NEK11: variants seen among roughly 807,000 people sequenced by gnomAD.
NEK11 encodes NIMA related kinase 11, also known as serine/threonine-protein kinase Nek11.
In NEK11, 72 loss-of-function variants were observed where a neutral mutation model predicts 80.7. The ratio of observed to expected loss-of-function variants is 0.89; its 90% CI spans 0.74 to 1.08. The LOEUF is 1.08. Among genes scored for constraint, NEK11 ranks in the 50% least tolerant of loss-of-function variants. NEK11 has a pLI of 0.00. For missense variants in NEK11, 764 were observed against 763.6 expected, an observed-to-expected ratio of 1.00 and a Z score of -0.01; for synonymous variants, 251 against 260.7, an observed-to-expected ratio of 0.96 and a Z score of 0.36.
rs182679880 is a variant in NEK11 at position 131,042,137 on chromosome 3, C to T, written c.170+12259C>T. 2.7e-4 allele frequency among the ~76,000 whole-genome samples: 41 copies of T among 152,316 alleles called. No homozygotes were observed. In the East Asian group the frequency reaches 6.2e-3, roughly 23 times the overall value. The stretch of plus-strand genomic sequence containing the variant: ...TTCCATCAGGGGCCTACACCACAAG[C>T]GCCCTGGGTTTCAAGCACAAAACTG... On this transcript the variant is annotated intron_variant, in intron 3 of 17. Transcript: ENST00000383366.
At chr3:131,318,181 G>A (rs1292287564) in intron 17 of NEK11, among the ~76,000 whole-genome samples, 1 of 152,198 alleles carries the variant, frequency 6.6e-6, no homozygotes, top group Admixed American at 6.5e-5. Context: ...GGTGGGAAGG[G>A]AGATAGGGAA....
chr3:131,031,676 G>T (rs2064870020), intron 3 of NEK11, among the ~76,000 whole-genome samples: 1 of 152,074 alleles, frequency 6.6e-6, no homozygotes. Context: ...AAGAAAGGGG[G>T]CTGGGGCTGG....
At chr3:131,116,367 G>T (rs914319100) in intron 5 of NEK11, among the ~76,000 whole-genome samples, 12 of 152,088 alleles carry the variant, frequency 7.9e-5, no homozygotes, top group African/African-American at 2.9e-4. Flanking sequence ...TCTTAATCCA[G>T]TCTATCACTG....
At chr3:131,337,760 C>T (rs2097211548) in intron 17 of NEK11, among the ~76,000 whole-genome samples, 1 of 152,038 alleles carries the variant, frequency 6.6e-6, no homozygotes, top group Admixed American at 6.6e-5. Flanking sequence ...GCACAGCTAG[C>T]TAGGAGCAAA....
At chr3:131,191,651 T>C (rs2093801117) in intron 14 of NEK11, among the ~76,000 whole-genome samples, 1 of 152,136 alleles carries the variant, frequency 6.6e-6, no homozygotes, top group Non-Finnish European at 1.5e-5. Flanking sequence ...TGAACATTGT[T>C]TGGGGGTTAT....
chr3:131,142,249 G>A (rs2087085699), intron 7 of NEK11, among the ~76,000 whole-genome samples: 1 of 152,190 alleles, frequency 6.6e-6, no homozygotes, highest in Admixed American at 6.5e-5. Context: ...TTCCCCCTGT[G>A]GGGGAAGGGA....
chr3:131,245,946 T>C (rs2095595992), intron 16 of NEK11, among the ~76,000 whole-genome samples: 1 of 152,116 alleles, frequency 6.6e-6, no homozygotes, highest in South Asian at 2.1e-4. Context: ...GTTTATGCTG[T>C]TGATTTGTTT....
intron 15 of NEK11, among the ~76,000 whole-genome samples, chr3:131,234,028 A>G (rs1442715069): frequency 1.3e-5 from 2 of 152,200 alleles, no homozygotes; most frequent in Non-Finnish European, 2.9e-5. Flanking sequence ...AACAATTAGA[A>G]TTGCTTCTCC....
chr3:131,075,604 A>G (rs965677857), intron 3 of NEK11, among the ~76,000 whole-genome samples: 2 of 152,330 alleles, frequency 1.3e-5, no homozygotes, highest in East Asian at 3.9e-4. Context: ...GTTTTCCACC[A>G]TCAATTTCTA....
At chr3:131,234,816 T>A (rs1252529969) in intron 15 of NEK11, among the ~76,000 whole-genome samples, 1 of 152,004 alleles carries the variant, frequency 6.6e-6, no homozygotes, top group Non-Finnish European at 1.5e-5. Flanking sequence ...AACAATTTGA[T>A]ATACTATTCT....
chr3:131,253,736 A>T (rs2095753134), intron 16 of NEK11, among the ~76,000 whole-genome samples: 1 of 152,210 alleles, frequency 6.6e-6, no homozygotes, highest in African/African-American at 2.4e-5. Context: ...GTACTGGGGT[A>T]TAACCCCAGT....
Position 131,350,043 on chromosome 3 carries a change from G to A in NEK11, c.*267G>A, listed in dbSNP as rs1415550776. 2.6e-6 allele frequency: 1 copy of A among 389,704 alleles called. No homozygotes were observed. The highest frequency in any genetic ancestry group is 4.7e-6 in the Non-Finnish European group (1 of 212,316). The allele number at this position is 389,704 out of a possible 1,614,324, so 24.1% of individuals were successfully genotyped here. On this transcript the variant is annotated 3_prime_UTR_variant, in exon 18 of 18. Coordinates refer to ENST00000383366, the MANE Select transcript of NEK11 (RefSeq NM_024800.5). The stretch of plus-strand genomic sequence containing the variant: ...CTTGAAAAGCATTTCTCTCATGTGC[G>A]CCCTCAGGGCTTCCAGCAGGATTGA...
intron 5 of NEK11, among the ~76,000 whole-genome samples, chr3:131,118,448 G>A (rs946895763): frequency 5.9e-5 from 9 of 152,014 alleles, no homozygotes; most frequent in Non-Finnish European, 5.9e-5. Context: ...TTTTTGTTGT[G>A]TGTCTGTGGG....
chr3:131,223,972 G>A (rs1310011279), intron 14 of NEK11, among the ~76,000 whole-genome samples: 5 of 152,140 alleles, frequency 3.3e-5, no homozygotes, highest in Non-Finnish European at 2.9e-5. Flanking sequence ...GTCTAATACA[G>A]TCATACACTG....
At chr3:131,091,401 C>T (rs1051999720) in intron 4 of NEK11, among the ~76,000 whole-genome samples, 1 of 152,106 alleles carries the variant, frequency 6.6e-6, no homozygotes, top group South Asian at 2.1e-4. Context: ...AAATCAGGCA[C>T]TTAATATCAA....
chr3:131,209,156 T>C (rs549148261), intron 14 of NEK11, among the ~76,000 whole-genome samples: 1 of 152,332 alleles, frequency 6.6e-6, no homozygotes, highest in African/African-American at 2.4e-5. Flanking sequence ...CCTAGCTTAT[T>C]GAGAGTTTTT....
At chr3:131,172,456 G>A (rs1197979645) in intron 14 of NEK11, among the ~76,000 whole-genome samples, 1 of 152,240 alleles carries the variant, frequency 6.6e-6, no homozygotes, top group African/African-American at 2.4e-5. Flanking sequence ...GCTGTATGGA[G>A]ACAAGCACCT....
intron 14 of NEK11, among the ~76,000 whole-genome samples, chr3:131,190,076 A>G (rs2093736294): frequency 6.6e-6 from 1 of 152,204 alleles, no homozygotes; most frequent in South Asian, 2.1e-4. Flanking sequence ...ATCCATAAAT[A>G]TTTACTGAGA....
chr3:131,039,438 CA>C (rs1045443936), intron 3 of NEK11, among the ~76,000 whole-genome samples: 1 of 152,234 alleles, frequency 6.6e-6, no homozygotes, highest in African/African-American at 2.4e-5. Context: ...TTTCCTCCAA[CA>C]ACTTTTGGTG....
Sources: allele counts gnomAD v4.1 joint callset (sites outside exome capture counted in the v4.1 genomes callset), GRCh38; gene constraint gnomAD v4.1.1; transcripts MANE v1.5; gene names NCBI Gene and HGNC (gene_info 2026-07-23, HGNC 2026-07-21).